CFAP298: variants seen among roughly 807,000 people sequenced by gnomAD.
The protein encoded by CFAP298 is cilia and flagella associated protein 298, also known as cilia- and flagella-associated protein 298.
CFAP298 carries 38 observed loss-of-function variants against 41.0 expected under a neutral mutation model. The observed-to-expected ratio is 0.93, with a 90% CI of 0.72 to 1.22. CFAP298 has a LOEUF of 1.22. Ranked by LOEUF, CFAP298 falls within the 50% of genes most tolerant of loss-of-function variation. The probability of loss-of-function intolerance (pLI) is 0.00; values close to 1 mark genes in which losing one functional copy is unlikely to be tolerated. For missense variants in CFAP298, 348 were observed against 360.3 expected (o/e 0.97, Z 0.28); for synonymous variants, 137 against 135.3 (o/e 1.01, Z -0.09).
chr21:32,601,549 G>A lies in CFAP298; in HGVS notation c.*314C>T, dbSNP rs548454031. ...CCTGACCTCGTGATCTGCCTGCCTCGGCCTCCCAAAGTGCTGGGATTACAG... is the reference window on the plus strand; with the variant it reads ...CCTGACCTCGTGATCTGCCTGCCTCAGCCTCCCAAAGTGCTGGGATTACAG... On this transcript the variant is annotated 3_prime_UTR_variant, in exon 7 of 7. Transcript: ENST00000290155. The A allele has an allele frequency of 3.5e-4, 67 of 192,720 alleles. No individual in the cohort carries two copies. The highest frequency in any genetic ancestry group is 1.4e-3 in the African/African-American group (61 of 42,448). The allele number at this position is 192,720 out of a possible 1,614,324, so 11.9% of individuals were successfully genotyped here.
rs2038716049 is a variant in CFAP298 at position 32,600,417 on chromosome 21, G to A, written c.*1446C>T. Among the ~76,000 whole-genome samples, 1 of 152,182 alleles carries A rather than the reference G, an allele frequency of 6.6e-6. No individual in the cohort carries two copies. Among genetic ancestry groups the A allele is most frequent in the African/African-American group, 2.4e-5 (1 of 41,446 alleles). ...CCCTGCCACCTCCACTCACTCCCAGGGTTCCTCTTTGCAGGATGGTGGGGA... is the reference window on the plus strand; with the variant it reads ...CCCTGCCACCTCCACTCACTCCCAGAGTTCCTCTTTGCAGGATGGTGGGGA... On this transcript the variant is annotated 3_prime_UTR_variant, in exon 7 of 7. Coordinates refer to ENST00000290155, the MANE Select transcript of CFAP298 (RefSeq NM_021254.4).
intron 3 of CFAP298, chr21:32,604,663 A>G (rs2038829391): frequency 4.7e-6 from 1 of 214,740 alleles, no homozygotes; most frequent in African/African-American, 2.3e-5. Flanking sequence ...GCTTCAGGAC[A>G]AGCTGAAACA....
At position 32,601,368 on chromosome 21, in the gene CFAP298, G is replaced by A. The variant is rs1382379495; in HGVS notation, c.*495C>T. On this transcript the variant is annotated 3_prime_UTR_variant, in exon 7 of 7. Coordinates refer to ENST00000290155, the MANE Select transcript of CFAP298 (RefSeq NM_021254.4). ...ATAGAGTGCAGTGGCAGTGATCTTG[G>A]CTCACTGTAAGCTCCACCTCCCGGG... Among the ~76,000 whole-genome samples the A allele has an allele frequency of 6.9e-6, 1 of 145,368 alleles. No homozygotes were observed. The highest frequency in any genetic ancestry group is 7.1e-5 in the Admixed American group (1 of 14,106).
In CFAP298 at chr21:32,600,764, G is replaced by T. The variant is rs1209808375; in HGVS notation, c.*1099C>A. Reference sequence around the variant, plus strand: ...CTGAGCTGCGTACGAAGCTGGCCTAGAATCAGACCCCGCATCCATAGGGAG... The same window carrying T: ...CTGAGCTGCGTACGAAGCTGGCCTATAATCAGACCCCGCATCCATAGGGAG... On this transcript the variant is annotated 3_prime_UTR_variant, in exon 7 of 7. Transcript: ENST00000290155. 6.6e-6 allele frequency among the ~76,000 whole-genome samples: 1 copy of T among 152,194 alleles called. No individual in the cohort carries two copies. Among genetic ancestry groups the T allele is most frequent in the Non-Finnish European group, 1.5e-5 (1 of 68,040 alleles).
At chr21:32,604,378 G>C in intron 3 of CFAP298, 95 bp from the exon 4 acceptor site, 1 of 1,395,324 alleles carries the variant, frequency 7.2e-7, no homozygotes, top group Non-Finnish European at 1.0e-6. Context: ...GATACTGCCA[G>C]AGCAACAAAA....
At chr21:32,603,739 G>A (rs1027286750) in intron 4 of CFAP298, among the ~76,000 whole-genome samples, 1 of 152,214 alleles carries the variant, frequency 6.6e-6, no homozygotes, top group Admixed American at 6.5e-5. Flanking sequence ...GAACATGAGG[G>A]TCAGAAAATA....
At chr21:32,602,731 C>G in intron 5 of CFAP298, 1 of 1,252,056 alleles carries the variant, frequency 8.0e-7, no homozygotes, top group Non-Finnish European at 1.0e-6. Flanking sequence ...GTAGGAGCAC[C>G]CACAAAACCA....
In CFAP298 at chr21:32,612,169, C is replaced by T. The variant is rs745353298; in HGVS notation, c.75G>A (p.Glu25=). ...CCCGGGCCACCTGCACCGTGAGCTC[C>T]TCCAGCTCGGTACTCCCAGGCGCCT... ...LLQAPGSTEL[E]ELTVQVARVY... The change falls in exon 1 of 7, where the codon GAG becomes GAA. Residue 25 remains glutamate, a synonymous_variant. Transcript: ENST00000290155. 1.9e-6 allele frequency: 3 copies of T among 1,600,022 alleles called. No individual in the cohort carries two copies. In the Admixed American group the frequency reaches 5.1e-5, roughly 27 times the overall value.
At chr21:32,602,010 A>G in intron 6 of CFAP298, 37 bp from the exon 7 acceptor site, 1 of 1,328,050 alleles carries the variant, frequency 7.5e-7, no homozygotes, top group Admixed American at 1.7e-5. Flanking sequence ...CAGGCATTTC[A>G]GGAAAGTGTT....
At chr21:32,606,493 T>G (rs1020807054) in intron 3 of CFAP298, among the ~76,000 whole-genome samples, 1 of 151,954 alleles carries the variant, frequency 6.6e-6, no homozygotes, top group African/African-American at 2.4e-5. Context: ...GACCACTGTT[T>G]TCTTGCCATG....
Position 32,602,884 on chromosome 21 carries a change from T to A in CFAP298, c.666+277A>T, listed in dbSNP as rs1434260627. The A allele has an allele frequency of 2.2e-5, 30 of 1,361,856 alleles. 1 individual carries two copies. The South Asian group carries it at 4.7e-4, about 21-fold the overall frequency. 84.4% of individuals were successfully genotyped at this position (1,361,856 alleles called of 1,614,324 possible). A position where few individuals can be genotyped will look rare whatever the true frequency, so the allele number is the denominator to read the frequency against. ...GAAATTTTACATTTCAAGGAACATA[T>A]CTGTTTACTTGCAGCCCTATTTTTA... On this transcript the variant is annotated intron_variant, in intron 5 of 6. Coordinates refer to ENST00000290155, the MANE Select transcript of CFAP298 (RefSeq NM_021254.4).
In CFAP298 at chr21:32,601,798, TA is replaced by T. The variant is rs1176276901; in HGVS notation, c.*64del. ...CAGTAAGTGGCCTTTTTTTTTTTTT[TA>T]AATTATAATTGCCTAGGAGAAAGGT... On this transcript the variant is annotated 3_prime_UTR_variant, in exon 7 of 7. Coordinates refer to ENST00000290155, the MANE Select transcript of CFAP298 (RefSeq NM_021254.4). 126 of 805,966 alleles carry T rather than the reference TA, an allele frequency of 1.6e-4. No homozygotes were observed. The African/African-American group carries it at 1.8e-3, about 11-fold the overall frequency. 49.9% of individuals were successfully genotyped at this position (805,966 alleles called of 1,614,324 possible).
chr21:32,602,162 A>G, intron 6 of CFAP298, 110 bp downstream of exon 6: 1 of 1,096,616 alleles, frequency 9.1e-7, no homozygotes, highest in Non-Finnish European at 1.4e-6. Flanking sequence ...CTCTAGAAAG[A>G]CCCCTCCCCG....
rs1219344383 is a variant in CFAP298, at chr21:32,601,262, A to G, written c.*601T>C. Among the ~76,000 whole-genome samples the G allele has an allele frequency of 6.6e-6, 1 of 151,628 alleles. No homozygotes were observed. The highest frequency in any genetic ancestry group is 1.5e-5 in the Non-Finnish European group (1 of 67,912). Reference sequence around the variant, plus strand: ...AAACCAGTTATCATGAGAATATAAAACAATCAGGAAGAAAAAAAAGTGTAG... The same window carrying G: ...AAACCAGTTATCATGAGAATATAAAGCAATCAGGAAGAAAAAAAAGTGTAG... On this transcript the variant is annotated 3_prime_UTR_variant, in exon 7 of 7. Transcript: ENST00000290155.
At chr21:32,602,695 T>A in intron 5 of CFAP298, 2 of 1,239,054 alleles carry the variant, frequency 1.6e-6, no homozygotes, top group South Asian at 4.2e-5. Context: ...GAGGGCCCCA[T>A]TTCCCCAAAA....
intron 3 of CFAP298, 55 bp downstream of exon 3, chr21:32,607,594 C>CAAAAAAAAAAAAAAAAAAA (rs560584894): frequency 1.4e-6 from 1 of 737,946 alleles, no homozygotes. Context: ...ATTCCATCTC[C>CAAAAAAAAAAAAAAAAAAA]AAAAAAAAAA....
At position 32,602,901 on chromosome 21, in the gene CFAP298, C is replaced by T. The variant is rs953892079; in HGVS notation, c.666+260G>A. On this transcript the variant is annotated intron_variant, in intron 5 of 6. Coordinates refer to ENST00000290155, the MANE Select transcript of CFAP298 (RefSeq NM_021254.4). ...GGAACATATCTGTTTACTTGCAGCC[C>T]TATTTTTACGCTTGAAATTAACATA... 15 of 1,299,786 alleles carry T rather than the reference C, an allele frequency of 1.2e-5. No homozygotes were observed. In the African/African-American group the frequency reaches 1.9e-4, roughly 17 times the overall value. The allele number at this position is 1,299,786 out of a possible 1,614,324, so 80.5% of individuals were successfully genotyped here. A position where few individuals can be genotyped will look rare whatever the true frequency, so the allele number is the denominator to read the frequency against.
Position 32,600,017 on chromosome 21 carries a change from G to C in CFAP298, c.*1846C>G, listed in dbSNP as rs996509123. On this transcript the variant is annotated 3_prime_UTR_variant, in exon 7 of 7. Transcript: ENST00000290155. ...CTCAGTAAGACTTTCTAATGATATT[G>C]AAGTAGTAGTTCCCTGAAAAGAGCT... Among the ~76,000 whole-genome samples, 2 of 152,136 alleles carry C rather than the reference G, an allele frequency of 1.3e-5. No homozygotes were observed. The highest frequency in any genetic ancestry group is 2.9e-5 in the Non-Finnish European group (2 of 68,032).
In CFAP298 at chr21:32,601,716, T is replaced by C; in HGVS notation, c.*147A>G. The C allele has an allele frequency of 3.5e-6, 2 of 567,614 alleles. No individual in the cohort carries two copies. The highest frequency in any genetic ancestry group is 6.3e-6 in the Non-Finnish European group (2 of 318,722). The allele number at this position is 567,614 out of a possible 1,614,324, so 35.2% of individuals were successfully genotyped here. A position where few individuals can be genotyped will look rare whatever the true frequency, so the allele number is the denominator to read the frequency against. On this transcript the variant is annotated 3_prime_UTR_variant, in exon 7 of 7. Coordinates refer to ENST00000290155, the MANE Select transcript of CFAP298 (RefSeq NM_021254.4). ...AAGTTCTAAAACCTTGAATAACTGCTATTTTAAAAATTCACACTAAAAGAA... is the reference window on the plus strand; with the variant it reads ...AAGTTCTAAAACCTTGAATAACTGCCATTTTAAAAATTCACACTAAAAGAA...
Sources: gnomAD v4.1 joint callset for allele counts (sites outside exome capture counted in the v4.1 genomes callset) on GRCh38, gnomAD v4.1.1 for gene constraint, MANE v1.5 for transcripts, NCBI Gene and HGNC (gene_info 2026-07-23, HGNC 2026-07-21) for gene names.